TEX9: variants seen among roughly 807,000 people sequenced by gnomAD.
TEX9 encodes the protein testis-expressed protein 9.
In TEX9, 74 loss-of-function variants were observed where a neutral mutation model predicts 59.6. The observed-to-expected ratio is 1.24, with a 90% CI of 1.03 to 1.51. TEX9 has a LOEUF of 1.51. Among genes scored for constraint, TEX9 ranks in the 40% most tolerant of loss-of-function variants. The pLI, the probability that TEX9 is intolerant of heterozygous loss-of-function variation, is 0.00. For synonymous variants in TEX9, 186 were observed against 152.2 expected, an observed-to-expected ratio of 1.22 and a Z score of -1.64; for missense variants, 522 against 447.8, an observed-to-expected ratio of 1.17 and a Z score of -1.49.
chr15:56,333,695 A>C (rs1202489447), intron 1 of TEX9, among the ~76,000 whole-genome samples: 2 of 152,200 alleles, frequency 1.3e-5, no homozygotes, highest in African/African-American at 4.8e-5. Flanking sequence ...CAAGAGAAAG[A>C]AATAAAGGAT....
At chr15:56,323,208 A>G (rs1293040573) in intron 1 of TEX9, 4 of 217,402 alleles carry the variant, frequency 1.8e-5, no homozygotes, top group Non-Finnish European at 3.9e-5. Flanking sequence ...AAAAGCAGCC[A>G]ATGCTTCAGT....
chr15:56,376,012 A>G (rs1476287432), intron 3 of TEX9, among the ~76,000 whole-genome samples: 1 of 147,796 alleles, frequency 6.8e-6, no homozygotes, highest in African/African-American at 2.5e-5. Flanking sequence ...ATAGGTGGGA[A>G]TTGAACGATG....
intron 1 of TEX9, among the ~76,000 whole-genome samples, chr15:56,316,126 C>A (rs1172543791): frequency 1.4e-5 from 2 of 146,320 alleles, no homozygotes; most frequent in Non-Finnish European, 3.0e-5. Flanking sequence ...GTAATTTGAT[C>A]GTCTGAAGCC....
chr15:56,451,652 G>A, the TEX9 span, among the ~76,000 whole-genome samples: 3 of 152,110 alleles, frequency 2.0e-5, no homozygotes, highest in Non-Finnish European at 4.4e-5. Context: ...ATTATAGACA[G>A]TCTCTGATTA....
In TEX9 at chr15:56,426,036, G is replaced by GTATT. The variant is rs566028801; in HGVS notation, c.964-1567_964-1564dup. 2.9e-3 allele frequency among the ~76,000 whole-genome samples: 434 copies of GTATT among 152,226 alleles called. 3 individuals carry two copies. Among genetic ancestry groups the GTATT allele is most frequent in the African/African-American group, 0.01 (418 of 41,534 alleles). On this transcript the variant is annotated intron_variant, in intron 10 of 12. Transcript: ENST00000352903. ...ACTTCTTCTCAGAGATTTAGATGCT[G>GTATT]TATTTTATTCCTCTGCCCATAATTT... is the stretch of plus-strand genomic sequence containing the variant.
At chr15:56,266,115 G>T (rs1185837139) in intron 1 of TEX9, among the ~76,000 whole-genome samples, 1 of 151,340 alleles carries the variant, frequency 6.6e-6, no homozygotes, top group African/African-American at 2.4e-5. Flanking sequence ...TTGGTTGCTT[G>T]TCATTATGTA....
intron 1 of TEX9, among the ~76,000 whole-genome samples, chr15:56,347,410 C>A (rs1266330764): frequency 1.3e-5 from 2 of 151,816 alleles, no homozygotes; most frequent in Non-Finnish European, 2.9e-5. Flanking sequence ...ACAGAGAACC[C>A]AGAAAGGGAG....
chr15:56,257,892 A>T (rs1411065025), intron 1 of TEX9, among the ~76,000 whole-genome samples: 1 of 152,012 alleles, frequency 6.6e-6, no homozygotes, highest in Non-Finnish European at 1.5e-5. Flanking sequence ...GGTATTGCCT[A>T]GGTTTTCTTC....
At chr15:56,358,574 G>C (rs2046732291) in intron 1 of TEX9, among the ~76,000 whole-genome samples, 1 of 152,062 alleles carries the variant, frequency 6.6e-6, no homozygotes, top group Admixed American at 6.5e-5. Context: ...TTAAATTGTT[G>C]AAATTAGTAG....
intron 9 of TEX9, among the ~76,000 whole-genome samples, chr15:56,407,268 C>G (rs1429876006): frequency 6.6e-6 from 1 of 152,086 alleles, no homozygotes; most frequent in African/African-American, 2.4e-5. Context: ...TATGGGTCTT[C>G]TTTGAACTAT....
chr15:56,349,726 T>C (rs1365727682), intron 1 of TEX9, among the ~76,000 whole-genome samples: 25 of 151,904 alleles, frequency 1.6e-4, no homozygotes, highest in African/African-American at 6.0e-4. Flanking sequence ...TATAAGCACA[T>C]ATACACACGT....
chr15:56,325,900 A>T (rs534882440), intron 1 of TEX9, among the ~76,000 whole-genome samples: 3 of 152,316 alleles, frequency 2.0e-5, no homozygotes, highest in African/African-American at 7.2e-5. Flanking sequence ...TGCATTTACC[A>T]TTTGCACAAG....
chr15:56,436,707 T>G (rs955248821), intron 12 of TEX9, among the ~76,000 whole-genome samples: 1 of 152,050 alleles, frequency 6.6e-6, no homozygotes, highest in African/African-American at 2.4e-5. Flanking sequence ...GATAGACCGC[T>G]AGCAAGACTC....
At chr15:56,321,986 A>G (rs1452322994) in intron 1 of TEX9, among the ~76,000 whole-genome samples, 1 of 152,094 alleles carries the variant, frequency 6.6e-6, no homozygotes, top group Non-Finnish European at 1.5e-5. Context: ...ACACTGCTTT[A>G]TATTTTGATT....
At chr15:56,253,380 C>A (rs1297530810) in intron 1 of TEX9, among the ~76,000 whole-genome samples, 1 of 152,086 alleles carries the variant, frequency 6.6e-6, no homozygotes, top group African/African-American at 2.4e-5. Context: ...CTGACTTTAA[C>A]CCCCTCCAAA....
intron 1 of TEX9, among the ~76,000 whole-genome samples, chr15:56,323,976 A>C (rs546126476): frequency 6.6e-6 from 1 of 152,260 alleles, no homozygotes; most frequent in South Asian, 2.1e-4. Flanking sequence ...ATATGTCTTT[A>C]GATATCATGC....
At chr15:56,331,439 A>G (rs2046140882) in intron 1 of TEX9, among the ~76,000 whole-genome samples, 1 of 152,216 alleles carries the variant, frequency 6.6e-6, no homozygotes, top group African/African-American at 2.4e-5. Context: ...AAAAGTTGAA[A>G]TAATATCTAG....
chr15:56,288,544 AC>A (rs1334859209), intron 1 of TEX9, among the ~76,000 whole-genome samples: 1 of 151,946 alleles, frequency 6.6e-6, no homozygotes, highest in African/African-American at 2.4e-5. Context: ...TCCCTTCAGC[AC>A]TTTGAATATA....
chr15:56,375,242 G>T (rs941374674), intron 3 of TEX9, among the ~76,000 whole-genome samples: 11 of 152,196 alleles, frequency 7.2e-5, no homozygotes, highest in African/African-American at 2.4e-4. Context: ...TTGTGGTTTT[G>T]ATTTGCATTT....
Sources: gnomAD v4.1 joint callset for allele counts (sites outside exome capture counted in the v4.1 genomes callset) on GRCh38, gnomAD v4.1.1 for gene constraint, MANE v1.5 for transcripts, NCBI Gene and HGNC (gene_info 2026-07-23, HGNC 2026-07-21) for gene names.